The following PAQR5 variants were observed in gnomAD, a reference collection of about 807,000 sequenced individuals.
The protein encoded by PAQR5 is membrane progestin receptor gamma.
In PAQR5, 20 loss-of-function variants were observed where a neutral mutation model predicts 34.5. The observed-to-expected ratio is 0.58, with a 90% CI of 0.41 to 0.84. PAQR5 has a LOEUF of 0.84. PAQR5 is among the 40% of genes least tolerant of loss of function. The pLI is 0.00. For missense variants in PAQR5, 378 were observed against 412.7 expected (o/e 0.92, Z 0.73); for synonymous variants, 131 against 155.6 (o/e 0.84, Z 1.18).
At chr15:69,356,887 C>A (rs12900857) in intron 2 of PAQR5, among the ~76,000 whole-genome samples, 123,445 of 152,060 alleles carry the variant, frequency 0.81, 52,789 homozygotes, top group Non-Finnish European at 0.96. Flanking sequence ...GAATATTTGT[C>A]CCTGCGCAAG....
At chr15:69,386,408 T>C (rs2056110822) in intron 5 of PAQR5, among the ~76,000 whole-genome samples, 1 of 152,126 alleles carries the variant, frequency 6.6e-6, no homozygotes, top group African/African-American at 2.4e-5. Context: ...CCCCTTTCCG[T>C]GTGAGCCAGG....
At chr15:69,310,142 A>T (rs1254736241) in intron 1 of PAQR5, among the ~76,000 whole-genome samples, 1 of 152,136 alleles carries the variant, frequency 6.6e-6, no homozygotes, top group Non-Finnish European at 1.5e-5. Flanking sequence ...TTATTTAACT[A>T]ATCTGTTTTT....
chr15:69,339,169 C>CG (rs2054579414), intron 2 of PAQR5, among the ~76,000 whole-genome samples: 1 of 16,770 alleles, frequency 6.0e-5, no homozygotes, highest in African/African-American at 8.9e-5. Flanking sequence ...CCACTGGCTA[C>CG]ACCCCCCACC....
rs1315331967 is a variant in PAQR5 at position 69,300,885 on chromosome 15, CT to C, written c.-277+1832del. Among the ~76,000 whole-genome samples, 108 of 29,510 alleles carry C rather than the reference CT, an allele frequency of 3.7e-3. 26 individuals are homozygous for C. Among genetic ancestry groups the C allele is most frequent in the Non-Finnish European group, 7.9e-3 (89 of 11,262 alleles). The allele number at this position is 29,510 out of a possible 152,430, so 19.4% of individuals were successfully genotyped here. On this transcript the variant is annotated intron_variant, in intron 1 of 8. Transcript: ENST00000395407. ...TCTTTCTTTCTTTCTTTCTTTCTTT[CT>C]TTCTTTCTTCCTTCCTTCCTTCCTT...
intron 2 of PAQR5, among the ~76,000 whole-genome samples, chr15:69,349,486 C>T (rs1044515742): frequency 6.6e-6 from 1 of 152,090 alleles, no homozygotes; most frequent in African/African-American, 2.4e-5. Context: ...GAATTTATTG[C>T]TGTGGGCACA....
chr15:69,300,937 C>CTCTTTCCTTCTTTCTTTCTTTCTT lies in PAQR5; in HGVS notation c.-277+1887_-277+1888insCTTCTTTCTTTCTTTCTTTCTTTC, dbSNP rs1160182676. 7.7e-4 allele frequency among the ~76,000 whole-genome samples: 4 copies of CTCTTTCCTTCTTTCTTTCTTTCTT among 5,188 alleles called. 1 individual carries two copies. The highest frequency in any genetic ancestry group is 0.014 in the East Asian group (2 of 138). 3.4% of individuals were successfully genotyped at this position (5,188 alleles called of 152,430 possible). On this transcript the variant is annotated intron_variant, in intron 1 of 8. Coordinates refer to ENST00000395407, the MANE Select transcript of PAQR5 (RefSeq NM_017705.4). Reference sequence around the variant, plus strand: ...CCTTTCTCTCTCTCTCTCTCTCTCTCTCTTTCTTTCCTTCTTTCTTTCTTT... The same window carrying CTCTTTCCTTCTTTCTTTCTTTCTT: ...CCTTTCTCTCTCTCTCTCTCTCTCTCTCTTTCCTTCTTTCTTTCTTTCTTTCTTTCTTTCCTTCTTTCTTTCTTT...
intron 5 of PAQR5, among the ~76,000 whole-genome samples, chr15:69,388,246 T>C (rs1004312358): frequency 6.6e-6 from 1 of 152,136 alleles, no homozygotes; most frequent in Non-Finnish European, 1.5e-5. Flanking sequence ...TTTCACTAGG[T>C]TTTGGTCATC....
rs578186812 is a variant in PAQR5, at chr15:69,347,469, A to G, written c.-116+9968A>G. On this transcript the variant is annotated intron_variant, in intron 2 of 8. Coordinates refer to ENST00000395407, the MANE Select transcript of PAQR5 (RefSeq NM_017705.4). ...CTTCTTAAAAGGAAACTTACACCCC[A>G]TATTTTCTTTCTCAAAGGGAGGGCC... Among the ~76,000 whole-genome samples, 5 of 152,342 alleles carry G rather than the reference A, an allele frequency of 3.3e-5. No individual in the cohort carries two copies. The East Asian group carries it at 7.7e-4, about 23-fold the overall frequency.
At chr15:69,395,327 T>C (rs1386985685) in intron 6 of PAQR5, among the ~76,000 whole-genome samples, 2 of 152,210 alleles carry the variant, frequency 1.3e-5, no homozygotes, top group African/African-American at 2.4e-5. Flanking sequence ...GGGGTGACAC[T>C]TGGGGGCCAG....
intron 2 of PAQR5, among the ~76,000 whole-genome samples, chr15:69,351,285 T>C (rs1041160733): frequency 6.6e-6 from 1 of 152,246 alleles, no homozygotes; most frequent in Non-Finnish European, 1.5e-5. Context: ...TCCTACCACA[T>C]CCCCATTCGG....
Position 69,319,193 on chromosome 15 carries a change from A to T in PAQR5, c.-276-18148A>T, listed in dbSNP as rs796216533. 2.4e-3 allele frequency among the ~76,000 whole-genome samples: 219 copies of T among 93,048 alleles called. 5 individuals carry two copies. Among genetic ancestry groups the T allele is most frequent in the African/African-American group, 5.9e-3 (126 of 21,258 alleles). 61.0% of individuals were successfully genotyped at this position (93,048 alleles called of 152,430 possible). ...TATATATATATATATATATATATAT[A>T]TATATATATATATATATATGAATGT... On this transcript the variant is annotated intron_variant, in intron 1 of 8. Coordinates refer to ENST00000395407, the MANE Select transcript of PAQR5 (RefSeq NM_017705.4).
chr15:69,301,486 T>C (rs946275241), intron 1 of PAQR5, among the ~76,000 whole-genome samples: 6 of 152,214 alleles, frequency 3.9e-5, no homozygotes, highest in Non-Finnish European at 7.3e-5. Context: ...ATTGGAATTA[T>C]TTGGAAACTT....
intron 6 of PAQR5, chr15:69,397,151 G>T (rs904100953): frequency 3.5e-5 from 17 of 488,736 alleles, no homozygotes; most frequent in Middle Eastern, 6.1e-4. Flanking sequence ...GTTTTAAAAG[G>T]TTCTTTGGCA....
chr15:69,314,277 A>T (rs1243997024), intron 1 of PAQR5: 1 of 151,566 alleles, frequency 6.6e-6, no homozygotes, highest in East Asian at 1.9e-4. Flanking sequence ...ACCAAGCAGG[A>T]AGGGAAAGTG....
chr15:69,358,470 C>A (rs1354328944), intron 2 of PAQR5, among the ~76,000 whole-genome samples: 1 of 152,020 alleles, frequency 6.6e-6, no homozygotes. Context: ...GACTTAAGAT[C>A]CCACTGTCCG....
rs548521394 is a variant in PAQR5, at chr15:69,390,621, CT to C, written c.512+842del. Among the ~76,000 whole-genome samples, 168 of 152,170 alleles carry C rather than the reference CT, an allele frequency of 1.1e-3. 1 individual carries two copies. Among genetic ancestry groups the C allele is most frequent in the African/African-American group, 4.0e-3 (165 of 41,508 alleles). On this transcript the variant is annotated intron_variant, in intron 6 of 8. Coordinates refer to ENST00000395407, the MANE Select transcript of PAQR5 (RefSeq NM_017705.4). Reference sequence around the variant, plus strand: ...TAAAATGAGGCCATTACAAATACCCCTAAGACAAATGGAAGGATTACAGGTA... The same window carrying C: ...TAAAATGAGGCCATTACAAATACCCCAAGACAAATGGAAGGATTACAGGTA...
intron 2 of PAQR5, among the ~76,000 whole-genome samples, chr15:69,358,310 A>G (rs2055133197): frequency 6.6e-6 from 1 of 152,012 alleles, no homozygotes; most frequent in Admixed American, 6.6e-5. Context: ...TCTGTCTCCA[A>G]CAAGTGCCTT....
intron 5 of PAQR5, among the ~76,000 whole-genome samples, chr15:69,387,018 T>C (rs544757675): frequency 6.8e-6 from 1 of 147,030 alleles, no homozygotes; most frequent in South Asian, 2.4e-4. Flanking sequence ...GCCAGGTGAC[T>C]TCTCTCCTAC....
chr15:69,346,794 G>A (rs1263692766), intron 2 of PAQR5, among the ~76,000 whole-genome samples: 2 of 67,094 alleles, frequency 3.0e-5, no homozygotes, highest in Non-Finnish European at 7.4e-5. Context: ...GCTAATTTTT[G>A]TATTTTTATT....
Sources: allele counts gnomAD v4.1 joint callset (sites outside exome capture counted in the v4.1 genomes callset), GRCh38; gene constraint gnomAD v4.1.1; transcripts MANE v1.5; gene names NCBI Gene and HGNC (gene_info 2026-07-23, HGNC 2026-07-21).